Variants in LIPA observed in about 807,000 individuals in gnomAD.
LIPA encodes the protein lipase A, lysosomal acid type.
In LIPA, 26 loss-of-function variants were observed where a neutral mutation model predicts 40.6. The ratio of observed to expected loss-of-function variants is 0.64; its 90% CI spans 0.47 to 0.89. The LOEUF is 0.89. Among genes scored for constraint, LIPA ranks in the 40% least tolerant of loss-of-function variants. LIPA has a pLI of 0.00. For missense variants in LIPA, 455 were observed against 479.6 expected, an observed-to-expected ratio of 0.95 and a Z score of 0.48; for synonymous variants, 188 against 168.4, an observed-to-expected ratio of 1.12 and a Z score of -0.90.
At chr10:89,273,201 T>G (rs904234761) in intron 1 of LIPA, among the ~76,000 whole-genome samples, 1 of 152,130 alleles carries the variant, frequency 6.6e-6, no homozygotes, top group Non-Finnish European at 1.5e-5. Context: ...CTTTGTTTTT[T>G]GTAAAAGAAA....
chr10:89,414,020 T>C (rs980359217), intron 1 of LIPA, among the ~76,000 whole-genome samples: 5 of 152,216 alleles, frequency 3.3e-5, no homozygotes, highest in Non-Finnish European at 5.9e-5. Flanking sequence ...ACCACTCTTG[T>C]CTTTATTGGG....
chr10:89,273,625 G>T (rs1182150606), intron 1 of LIPA, among the ~76,000 whole-genome samples: 1 of 152,212 alleles, frequency 6.6e-6, no homozygotes, highest in African/African-American at 2.4e-5. Flanking sequence ...AGGGAAAGAA[G>T]AATCACAACT....
Position 89,276,939 on chromosome 10 carries a change from G to A in LIPA, c.-1-29290C>T, listed in dbSNP as rs532452923. ...TCTGAGGTCGAACGAAGGCAGCCTAGCCCCCAGAGCCCTGTCTCGACCCTC... is the reference window on the plus strand; with the variant it reads ...TCTGAGGTCGAACGAAGGCAGCCTAACCCCCAGAGCCCTGTCTCGACCCTC... On this transcript the variant is annotated intron_variant, in intron 1 of 5. Transcript: ENST00000282673. 1.9e-3 allele frequency among the ~76,000 whole-genome samples: 284 copies of A among 152,294 alleles called. 2 individuals are homozygous for A. Among genetic ancestry groups the A allele is most frequent in the African/African-American group, 6.4e-3 (265 of 41,556 alleles).
At chr10:89,305,187 T>C (rs997248920) in intron 1 of LIPA, among the ~76,000 whole-genome samples, 11 of 151,816 alleles carry the variant, frequency 7.2e-5, no homozygotes, top group Non-Finnish European at 1.6e-4. Context: ...AATGAGAGAA[T>C]AATACAAAAG....
chr10:89,359,393 G>A (rs1017033389), intron 2 of LIPA, among the ~76,000 whole-genome samples: 1 of 152,224 alleles, frequency 6.6e-6, no homozygotes. Flanking sequence ...TGGTGAGAGA[G>A]ATTCACTACT....
At chr10:89,365,937 C>G (rs1844053765) in intron 2 of LIPA, among the ~76,000 whole-genome samples, 1 of 152,280 alleles carries the variant, frequency 6.6e-6, no homozygotes, top group South Asian at 2.1e-4. Flanking sequence ...AATGCGGGCT[C>G]TTTTTTGGTT....
intron 3 of LIPA, among the ~76,000 whole-genome samples, chr10:89,228,817 C>T (rs1044557705): frequency 4.6e-5 from 7 of 152,148 alleles, no homozygotes; most frequent in African/African-American, 1.7e-4. Context: ...TCACTATACA[C>T]GTATCAGAAT....
At chr10:89,322,402 G>A (rs1169840156) in intron 1 of LIPA, among the ~76,000 whole-genome samples, 2 of 152,110 alleles carry the variant, frequency 1.3e-5, no homozygotes, top group Non-Finnish European at 2.9e-5. Context: ...AGAGCAGAAA[G>A]GGGTGAAGCT....
chr10:89,271,712 A>G (rs1158022837), intron 1 of LIPA, among the ~76,000 whole-genome samples: 1 of 152,238 alleles, frequency 6.6e-6, no homozygotes, highest in Non-Finnish European at 1.5e-5. Context: ...ATAAGGAGTC[A>G]TGACAAGAAC....
At chr10:89,315,652 T>C (rs1034081929) in intron 1 of LIPA, among the ~76,000 whole-genome samples, 2 of 152,122 alleles carry the variant, frequency 1.3e-5, no homozygotes, top group Non-Finnish European at 2.9e-5. Context: ...ATATAATCCA[T>C]CCATTAAACA....
intron 1 of LIPA, among the ~76,000 whole-genome samples, chr10:89,316,997 C>T (rs1169355793): frequency 6.6e-6 from 1 of 152,206 alleles, no homozygotes; most frequent in Non-Finnish European, 1.5e-5. Flanking sequence ...AGCTGAGGGT[C>T]CTGACTGTTA....
intron 1 of LIPA, among the ~76,000 whole-genome samples, chr10:89,256,857 C>T (rs1386347860): frequency 6.6e-6 from 1 of 152,198 alleles, no homozygotes; most frequent in East Asian, 1.9e-4. Flanking sequence ...CTACTTCCTG[C>T]TTTGGGCCAT....
rs1234546717 is a variant in LIPA at position 89,307,143 on chromosome 10, T to C, written c.-2+35468A>G. On this transcript the variant is annotated intron_variant, in intron 1 of 5. Coordinates refer to the LIPA transcript ENST00000282673. ...GAAGACAAGGCCATCCACCACTTTA[T>C]AGAGGGTGTAAAAATAAACCAGAAA... is the stretch of plus-strand genomic sequence containing the variant. 5 of 1,613,842 alleles carry C rather than the reference T, an allele frequency of 3.1e-6. No homozygotes were observed. The highest frequency in any genetic ancestry group is 1.3e-5 in the African/African-American group (1 of 74,868).
intron 1 of LIPA, among the ~76,000 whole-genome samples, chr10:89,326,079 A>C (rs781456036): frequency 2.6e-5 from 4 of 152,158 alleles, no homozygotes; most frequent in Non-Finnish European, 5.9e-5. Flanking sequence ...CAGTAATCCC[A>C]CTGCCAGGAA....
chr10:89,404,982 A>C (rs1426334418), intron 2 of LIPA: 6 of 152,134 alleles, frequency 3.9e-5, no homozygotes, highest in Non-Finnish European at 8.8e-5. Flanking sequence ...AGTTCTCTCC[A>C]ATTGTATATA....
At chr10:89,392,468 C>T (rs1844266776) in intron 2 of LIPA, 25 of 166,994 alleles carry the variant, frequency 1.5e-4, no homozygotes, top group Middle Eastern at 2.0e-3. Context: ...AGTTTCATTC[C>T]CCACCCCCCC....
At chr10:89,312,934 C>CA (rs1457257754) in intron 1 of LIPA, among the ~76,000 whole-genome samples, 2 of 151,946 alleles carry the variant, frequency 1.3e-5, no homozygotes, top group African/African-American at 4.8e-5. Context: ...AAGAAGGAGA[C>CA]ATGGGAGGAG....
chr10:89,266,694 T>G (rs1843238000), intron 1 of LIPA, among the ~76,000 whole-genome samples: 1 of 152,250 alleles, frequency 6.6e-6, no homozygotes, highest in Non-Finnish European at 1.5e-5. Context: ...AATGTTTTAC[T>G]CATGTCTGAC....
intron 1 of LIPA, among the ~76,000 whole-genome samples, chr10:89,303,777 A>T (rs752781991): frequency 1.3e-5 from 2 of 152,230 alleles, no homozygotes; most frequent in Non-Finnish European, 2.9e-5. Context: ...TGTTAAGGGA[A>T]TGAGCTCCCA....
Sources: allele counts gnomAD v4.1 joint callset (sites outside exome capture counted in the v4.1 genomes callset), GRCh38; gene constraint gnomAD v4.1.1; transcripts MANE v1.5; gene names NCBI Gene and HGNC (gene_info 2026-07-23, HGNC 2026-07-21).